UNKL: variants seen among roughly 807,000 people sequenced by gnomAD.
UNKL encodes unk like zinc finger.
UNKL carries 60 observed loss-of-function variants against 78.0 expected under a neutral mutation model. That is an observed-to-expected ratio of 0.77 (90% CI 0.63 to 0.95). The LOEUF is 0.95. UNKL is among the 40% of genes least tolerant of loss of function. The probability of loss-of-function intolerance (pLI) is 0.00; values close to 1 mark genes in which losing one functional copy is unlikely to be tolerated. For synonymous variants in UNKL, 608 were observed against 474.8 expected (o/e 1.28, Z -3.65); for missense variants, 1,159 against 1,045.7 (o/e 1.11, Z -1.49).
chr16:1,378,919 T>A (rs1218277369), intron 10 of UNKL: 1 of 152,404 alleles, frequency 6.6e-6, no homozygotes, highest in African/African-American at 2.4e-5. Context: ...CTCACCTCAC[T>A]GTTTCAAGGT....
intron 2 of UNKL, chr16:1,405,775 C>T (rs756389714): frequency 1.7e-5 from 6 of 348,798 alleles, no homozygotes; most frequent in African/African-American, 6.4e-5. Context: ...AGCAGAGCCA[C>T]GTGATTACAC....
chr16:1,390,281 C>T (rs1236437173), intron 9 of UNKL, among the ~76,000 whole-genome samples: 6 of 152,184 alleles, frequency 3.9e-5, no homozygotes, highest in Non-Finnish European at 7.3e-5. Context: ...CCACCGTGCC[C>T]GGCAAGTTCT....
chr16:1,413,778 C>T lies in UNKL; in HGVS notation c.287+68G>A, dbSNP rs972376484. 2.7e-6 allele frequency: 4 copies of T among 1,454,694 alleles called. No homozygotes were observed. The South Asian group carries it at 5.6e-5, about 20-fold the overall frequency. 90.1% of individuals were successfully genotyped at this position (1,454,694 alleles called of 1,614,324 possible). A position where few individuals can be genotyped will look rare whatever the true frequency, so the allele number is the denominator to read the frequency against. ...ACACTAAGGCGTCCGCTGAGGGTCC[C>T]GGCCGCATCCCCGGGTGGAGGCCCC... On this transcript the variant is annotated intron_variant, in intron 2 of 14. Transcript: ENST00000389221.
intron 14 of UNKL, 42 bp from the exon 15 acceptor site, chr16:1,366,437 C>T: frequency 4.0e-6 from 6 of 1,513,090 alleles, no homozygotes; most frequent in Non-Finnish European, 5.3e-6. Flanking sequence ...GGCCCCTGCC[C>T]AGGCTGGGCC....
rs768676552 is a variant in UNKL at position 1,414,574 on chromosome 16, C to A, written c.77+41G>T. On this transcript the variant is annotated intron_variant, in intron 1 of 14. Transcript: ENST00000389221. ...CCCCGGCGGGAGGCTCCGAGCTGCA[C>A]CGGGCGCGGGCGGGGGGCCGCAGGC... The A allele has an allele frequency of 1.0e-5, 10 of 961,646 alleles. No homozygotes were observed. In the East Asian group the frequency reaches 9.2e-4, roughly 89 times the overall value. The allele number at this position is 961,646 out of a possible 1,614,324, so 59.6% of individuals were successfully genotyped here.
chr16:1,374,569 G>C (rs978114374), intron 10 of UNKL, among the ~76,000 whole-genome samples: 2 of 152,152 alleles, frequency 1.3e-5, no homozygotes, highest in Non-Finnish European at 2.9e-5. Flanking sequence ...CCTGGTGCTC[G>C]GTTCAGACAA....
intron 2 of UNKL, chr16:1,407,490 C>G (rs1466298246): frequency 1.3e-5 from 2 of 152,226 alleles, no homozygotes; most frequent in African/African-American, 4.8e-5. Flanking sequence ...GGGTGGATTA[C>G]TTGAGCCCAG....
chr16:1,385,409 G>C, intron 9 of UNKL, 24 bp from the exon 10 acceptor site: 3 of 1,339,190 alleles, frequency 2.2e-6, no homozygotes, highest in South Asian at 1.8e-5. Flanking sequence ...TAAACACCGT[G>C]AGCGCGCACC....
intron 11 of UNKL, 111 bp downstream of exon 11, chr16:1,371,408 A>G (rs2035827556): frequency 3.8e-6 from 4 of 1,058,880 alleles, no homozygotes; most frequent in Non-Finnish European, 5.5e-6. Context: ...CAGTGGTGCA[A>G]CCTCAGCTCA....
chr16:1,408,266 C>G (rs971023695), intron 2 of UNKL, among the ~76,000 whole-genome samples: 2 of 152,196 alleles, frequency 1.3e-5, no homozygotes, highest in Admixed American at 1.3e-4. Context: ...AGCTGCCCCC[C>G]CCCCCAACGA....
chr16:1,371,283 A>G (rs185228080), intron 11 of UNKL, among the ~76,000 whole-genome samples: 3 of 152,274 alleles, frequency 2.0e-5, no homozygotes, highest in African/African-American at 7.2e-5. Context: ...GTCCATGTGC[A>G]GGGGAGGGAA....
At position 1,363,338 on chromosome 16, in the gene UNKL, G is replaced by A. The variant is rs2034983787; in HGVS notation, c.*2902C>T. On this transcript the variant is annotated 3_prime_UTR_variant, in exon 15 of 15. Coordinates refer to ENST00000389221, the MANE Select transcript of UNKL (RefSeq NM_001372107.1). ...TTTAAACAGTTCGCTACAAGTAAAT[G>A]ATTATAAATACTACCTTCTGGGTTA... 2 of 506,724 alleles carry A rather than the reference G, an allele frequency of 3.9e-6. No homozygotes were observed. Among genetic ancestry groups the A allele is most frequent in the Non-Finnish European group, 7.2e-6 (2 of 279,376 alleles). 31.4% of individuals were successfully genotyped at this position (506,724 alleles called of 1,614,324 possible). A position where few individuals can be genotyped will look rare whatever the true frequency, so the allele number is the denominator to read the frequency against.
chr16:1,378,385 G>A (rs974584014), intron 10 of UNKL, among the ~76,000 whole-genome samples: 26 of 152,336 alleles, frequency 1.7e-4, no homozygotes, highest in African/African-American at 5.1e-4. Context: ...GGATATGGCA[G>A]CCCCTTCAGA....
chr16:1,409,082 A>C (rs778534307), intron 2 of UNKL, among the ~76,000 whole-genome samples: 7 of 152,090 alleles, frequency 4.6e-5, no homozygotes, highest in Middle Eastern at 3.4e-3. Context: ...ATGCCCAGCT[A>C]ATTTTTCTGT....
intron 9 of UNKL, 81 bp from the exon 10 acceptor site, chr16:1,385,466 C>A: frequency 8.0e-7 from 1 of 1,254,584 alleles, no homozygotes; most frequent in Non-Finnish European, 1.0e-6. Context: ...GCAGAAAGCA[C>A]CGCGGGACGG....
At chr16:1,386,518 C>A (rs1029813470) in intron 9 of UNKL, among the ~76,000 whole-genome samples, 1 of 152,136 alleles carries the variant, frequency 6.6e-6, no homozygotes, top group African/African-American at 2.4e-5. Flanking sequence ...CGCACCAATG[C>A]ACTGCAGCCC....
intron 12 of UNKL, 98 bp from the exon 13 acceptor site, chr16:1,367,956 ACC>A: frequency 8.7e-7 from 1 of 1,143,980 alleles, no homozygotes; most frequent in Non-Finnish European, 1.2e-6. Context: ...CTACGTGGGC[ACC>A]CTCTGGGGCT....
chr16:1,375,978 G>A (rs1045283462), intron 10 of UNKL, among the ~76,000 whole-genome samples: 9 of 152,226 alleles, frequency 5.9e-5, no homozygotes, highest in Non-Finnish European at 1.2e-4. Flanking sequence ...CCGAGACACT[G>A]CAGGCAGTGG....
At chr16:1,390,995 ACTC>A (rs2037023424) in intron 8 of UNKL, among the ~76,000 whole-genome samples, 1 of 152,026 alleles carries the variant, frequency 6.6e-6, no homozygotes, top group African/African-American at 2.4e-5. Context: ...GCACCATTGC[ACTC>A]CAGCCTGGGC....
Sources: allele counts gnomAD v4.1 joint callset (sites outside exome capture counted in the v4.1 genomes callset), GRCh38; gene constraint gnomAD v4.1.1; transcripts MANE v1.5; gene names NCBI Gene and HGNC (gene_info 2026-07-23, HGNC 2026-07-21).